Variants in VDR observed in about 807,000 individuals in gnomAD.
The protein encoded by VDR is vitamin D receptor.
Under a neutral mutation model 39.7 loss-of-function variants are expected in VDR, and 19 were observed. The observed-to-expected ratio is 0.48, with a 90% CI of 0.33 to 0.70. The LOEUF (loss-of-function observed/expected upper bound fraction) is 0.70, where lower values mean the gene tolerates loss of function less well. VDR is among the 30% of genes least tolerant of loss of function. VDR has a pLI of 0.02. For synonymous variants in VDR, 242 were observed against 215.8 expected, an observed-to-expected ratio of 1.12 and a Z score of -1.07; for missense variants, 442 against 570.5, an observed-to-expected ratio of 0.77 and a Z score of 2.29.
At chr12:47,857,908 T>C (rs1032721091) in intron 4 of VDR, among the ~76,000 whole-genome samples, 1 of 151,868 alleles carries the variant, frequency 6.6e-6, no homozygotes, top group Non-Finnish European at 1.5e-5. Flanking sequence ...AAAAAGAGGA[T>C]TTGAGAGGGG....
intron 1 of VDR, among the ~76,000 whole-genome samples, chr12:47,904,075 C>G (rs981179169): frequency 6.7e-6 from 1 of 149,950 alleles, no homozygotes; most frequent in African/African-American, 2.5e-5. Context: ...ACTCACTCAC[C>G]GCACGCATAG....
rs527342026 is a variant in VDR at position 47,889,671 on chromosome 12, T to C, written c.-83-6897A>G. On this transcript the variant is annotated intron_variant, in intron 1 of 9. Coordinates refer to ENST00000549336, the MANE Select transcript of VDR (RefSeq NM_000376.3). Reference sequence around the variant, plus strand: ...GGAAAAGTTGATGAGACAAGGAGGCTATTTGTTCAGTGACTTGGAGACCAA... The same window carrying C: ...GGAAAAGTTGATGAGACAAGGAGGCCATTTGTTCAGTGACTTGGAGACCAA... 4.6e-5 allele frequency among the ~76,000 whole-genome samples: 7 copies of C among 152,346 alleles called. No individual in the cohort carries two copies. The South Asian group carries it at 1.5e-3, about 32-fold the overall frequency.
chr12:47,878,082 C>T (rs928192756), intron 3 of VDR, among the ~76,000 whole-genome samples: 17 of 152,204 alleles, frequency 1.1e-4, no homozygotes, highest in African/African-American at 3.4e-4. Flanking sequence ...AACAACCAAG[C>T]CGACCTCAGC....
intron 9 of VDR, 149 bp from the exon 10 acceptor site, chr12:47,845,154 C>T (rs1334054722): frequency 2.3e-6 from 3 of 1,302,914 alleles, no homozygotes; most frequent in Admixed American, 1.9e-5. Flanking sequence ...ATACCACTGC[C>T]TGGCCCCAAA....
At chr12:47,871,919 TAC>T (rs761980509) in intron 3 of VDR, among the ~76,000 whole-genome samples, 1 of 152,028 alleles carries the variant, frequency 6.6e-6, no homozygotes, top group Non-Finnish European at 1.5e-5. Flanking sequence ...CACACACACA[TAC>T]ACACACACAC....
chr12:47,862,605 C>T (rs1352429112), intron 4 of VDR, among the ~76,000 whole-genome samples: 1 of 152,252 alleles, frequency 6.6e-6, no homozygotes, highest in Non-Finnish European at 1.5e-5. Context: ...CATCCTTTCC[C>T]TTCCTGTGCC....
chr12:47,889,686 T>A (rs1202917930), intron 1 of VDR, among the ~76,000 whole-genome samples: 1 of 152,218 alleles, frequency 6.6e-6, no homozygotes, highest in African/African-American at 2.4e-5. Flanking sequence ...GTTCAGTGAC[T>A]TGGAGACCAA....
chr12:47,882,553 G>T, intron 2 of VDR, 141 bp downstream of exon 2: 1 of 696,458 alleles, frequency 1.4e-6, no homozygotes, highest in Non-Finnish European at 2.4e-6. Flanking sequence ...TGCAGACTCT[G>T]CTGGCCCGGG....
At chr12:47,884,213 G>A (rs1259658091) in intron 1 of VDR, among the ~76,000 whole-genome samples, 2 of 152,210 alleles carry the variant, frequency 1.3e-5, no homozygotes, top group African/African-American at 4.8e-5. Flanking sequence ...TCAGAGGTCA[G>A]AGGTGACATC....
At chr12:47,886,081 C>T (rs1050257611) in intron 1 of VDR, among the ~76,000 whole-genome samples, 2 of 152,172 alleles carry the variant, frequency 1.3e-5, no homozygotes, top group African/African-American at 4.8e-5. Context: ...GACATTGTTC[C>T]AAAGTTCCTA....
chr12:47,846,387 G>A lies in VDR; in HGVS notation c.972C>T (p.Asn324=), dbSNP rs754559635. 41 of 1,591,710 alleles carry A rather than the reference G, an allele frequency of 2.6e-5. No individual in the cohort carries two copies. The East Asian group carries it at 7.6e-4, about 29-fold the overall frequency. The change falls in exon 9 of 10, where the codon AAC becomes AAT. Residue 324 remains asparagine (N), a synonymous_variant. Transcript: ENST00000549336. ...IKFQVGLKKL[N]LHEEEHVLLM... ...GCAGGACATGCTCCTCCTCATGCAA[G>A]TTCAGCTTCTTCAGTCCCACCTGGA...
intron 1 of VDR, among the ~76,000 whole-genome samples, chr12:47,902,485 C>T (rs7299460): frequency 0.43 from 65,595 of 152,110 alleles, 17,624 homozygotes; most frequent in African/African-American, 0.76. Context: ...TCCTGCTATC[C>T]CTCAGAGGGC....
chr12:47,855,354 A>AT (rs1945462215), intron 7 of VDR, among the ~76,000 whole-genome samples: 2 of 150,470 alleles, frequency 1.3e-5, no homozygotes, highest in African/African-American at 4.9e-5. Flanking sequence ...AAATAAATAA[A>AT]TAAATAAATA....
chr12:47,857,019 G>A, intron 6 of VDR, 110 bp downstream of exon 6: 1 of 1,543,992 alleles, frequency 6.5e-7, no homozygotes, highest in Non-Finnish European at 8.9e-7. Flanking sequence ...ATTTATGTAA[G>A]TTTCCATTAG....
intron 2 of VDR, 53 bp downstream of exon 2, chr12:47,882,641 G>T: frequency 3.9e-6 from 1 of 254,264 alleles, no homozygotes; most frequent in East Asian, 1.4e-4. Context: ...CCCCCACCCC[G>T]CCCCTTGAAA....
At chr12:47,877,126 C>T (rs553356303) in intron 3 of VDR, among the ~76,000 whole-genome samples, 70 of 152,150 alleles carry the variant, frequency 4.6e-4, no homozygotes, top group Non-Finnish European at 7.2e-4. Flanking sequence ...TGGCTCATGC[C>T]TATAATCCTA....
chr12:47,872,375 G>A (rs1945902186), intron 3 of VDR, among the ~76,000 whole-genome samples: 1 of 152,194 alleles, frequency 6.6e-6, no homozygotes, highest in Admixed American at 6.5e-5. Flanking sequence ...CAGTGGGAGG[G>A]AGTGCTGAGA....
intron 1 of VDR, among the ~76,000 whole-genome samples, chr12:47,883,628 C>CACACACAA (rs781131605): frequency 1.3e-5 from 2 of 152,206 alleles, no homozygotes; most frequent in Admixed American, 6.5e-5. Flanking sequence ...CAGACACACA[C>CACACACAA]ACACACAAAC....
rs961997154 is a variant in VDR at position 47,879,761 on chromosome 12, TC to T, written c.-2-647del. ...AAGACAATCAACATTTCAAGATATT[TC>T]CCCCCCCTTTTTTTGGCAATAACAC... is the stretch of plus-strand genomic sequence containing the variant. On this transcript the variant is annotated intron_variant, in intron 2 of 9. Coordinates refer to ENST00000549336, the MANE Select transcript of VDR (RefSeq NM_000376.3). Among the ~76,000 whole-genome samples the T allele has an allele frequency of 1.1e-3, 164 of 151,610 alleles. 1 individual carries two copies. Among genetic ancestry groups the T allele is most frequent in the African/African-American group, 1.7e-3 (72 of 41,256 alleles).
Sources: allele counts gnomAD v4.1 joint callset (sites outside exome capture counted in the v4.1 genomes callset), GRCh38; gene constraint gnomAD v4.1.1; transcripts MANE v1.5; gene names NCBI Gene and HGNC (gene_info 2026-07-23, HGNC 2026-07-21).